THSD4: variants seen among roughly 807,000 people sequenced by gnomAD.
THSD4 encodes the protein thrombospondin type 1 domain containing 4.
THSD4 carries 69 observed loss-of-function variants against 119.0 expected under a neutral mutation model. The ratio of observed to expected loss-of-function variants is 0.58; its 90% CI spans 0.48 to 0.71. The LOEUF is 0.71. Among genes scored for constraint, THSD4 ranks in the 30% least tolerant of loss-of-function variants. The pLI is 0.00. For missense variants in THSD4, 1,393 were observed against 1,391.1 expected, an observed-to-expected ratio of 1.00 and a Z score of -0.02; for synonymous variants, 524 against 540.4, an observed-to-expected ratio of 0.97 and a Z score of 0.42.
At chr15:71,120,584 C>T (rs1332803147) in intron 1 of THSD4, among the ~76,000 whole-genome samples, 3 of 152,242 alleles carry the variant, frequency 2.0e-5, no homozygotes, top group Non-Finnish European at 4.4e-5. Flanking sequence ...GCTCCACCCT[C>T]CTGGCCCTTG....
Position 71,652,143 on chromosome 15 carries a change from C to T in THSD4, c.1153-8387C>T, listed in dbSNP as rs374963018. The stretch of plus-strand genomic sequence containing the variant: ...TGCTGATAATCTAGCCTCCAGAACT[C>T]TGCCTTATAGGGTGTAGGCAGTGTC... On this transcript the variant is annotated intron_variant, in intron 7 of 17. Coordinates refer to ENST00000261862, the MANE Select transcript of THSD4 (RefSeq NM_024817.3). Among the ~76,000 whole-genome samples the T allele has an allele frequency of 1.2e-4, 18 of 152,310 alleles. No individual in the cohort carries two copies. The East Asian group carries it at 3.3e-3, about 28-fold the overall frequency.
At chr15:71,629,924 G>A (rs556171183) in intron 7 of THSD4, among the ~76,000 whole-genome samples, 20 of 152,284 alleles carry the variant, frequency 1.3e-4, no homozygotes, top group Middle Eastern at 3.4e-3. Context: ...CCTTGGAGGC[G>A]CCTTTGTACC....
intron 5 of THSD4, among the ~76,000 whole-genome samples, chr15:71,251,705 A>G (rs960918896): frequency 6.6e-6 from 1 of 152,138 alleles, no homozygotes; most frequent in African/African-American, 2.4e-5. Flanking sequence ...GCACCGCTAC[A>G]TTGGAGATGA....
intron 13 of THSD4, among the ~76,000 whole-genome samples, chr15:71,747,604 A>G (rs1345165869): frequency 6.6e-6 from 1 of 152,216 alleles, no homozygotes; most frequent in Non-Finnish European, 1.5e-5. Flanking sequence ...TGTCTTTTTC[A>G]TTGGAGGGTA....
intron 6 of THSD4, among the ~76,000 whole-genome samples, chr15:71,370,649 G>A (rs2046031622): frequency 6.6e-6 from 1 of 152,192 alleles, no homozygotes; most frequent in Non-Finnish European, 1.5e-5. Context: ...CTGACAGACA[G>A]TTTGTTATAA....
intron 1 of THSD4, among the ~76,000 whole-genome samples, chr15:71,134,750 G>A (rs1017425181): frequency 2.6e-5 from 4 of 152,196 alleles, no homozygotes; most frequent in African/African-American, 9.7e-5. Context: ...CAGTGTAAAA[G>A]TGTTCCTATT....
At chr15:71,141,209 G>T (rs112419795) in intron 1 of THSD4, among the ~76,000 whole-genome samples, 1,922 of 152,312 alleles carry the variant, frequency 0.013, 49 homozygotes, top group African/African-American at 0.044. Context: ...TGAGGTGATC[G>T]TTCTGATAGT....
chr15:71,109,879 G>A (rs2040291189), intron 1 of THSD4, among the ~76,000 whole-genome samples: 1 of 152,220 alleles, frequency 6.6e-6, no homozygotes, highest in Non-Finnish European at 1.5e-5. Context: ...TGAACTTGGA[G>A]ACCGTGTGAC....
rs902987570 is a variant in THSD4, at chr15:71,728,716, G to C, written c.1525G>C (p.Asp509His). 3 of 1,614,084 alleles carry C rather than the reference G, an allele frequency of 1.9e-6. No homozygotes were observed. In the South Asian group the frequency reaches 3.3e-5, roughly 18 times the overall value. ...GGAAGGTCCCACCAACGAGATCTTG[G>C]ATGTCTACGTGAGTTTGGATGTTTC... ...LAEGPTNEIL[D>H]VYMIHQQPNP... Residue 509 changes from aspartate to histidine, a missense_variant, in exon 9 of 18, where the codon GAT becomes CAT. Physicochemically the swap from Asp to His is moderately conservative, Grantham distance 81. Transcript: ENST00000261862.
At chr15:71,440,667 G>A (rs1036547678) in intron 7 of THSD4, among the ~76,000 whole-genome samples, 3 of 152,112 alleles carry the variant, frequency 2.0e-5, no homozygotes, top group Admixed American at 1.3e-4. Context: ...CTGGTTGATC[G>A]TGACATCTAG....
Position 71,405,971 on chromosome 15 carries a change from G to T in THSD4, c.1016-5716G>T, listed in dbSNP as rs111488369. 3.7e-3 allele frequency among the ~76,000 whole-genome samples: 564 copies of T among 152,182 alleles called. 4 individuals are homozygous for T. The highest frequency in any genetic ancestry group is 5.7e-3 in the Non-Finnish European group (388 of 68,014). On this transcript the variant is annotated intron_variant, in intron 6 of 17. Coordinates refer to ENST00000261862, the MANE Select transcript of THSD4 (RefSeq NM_024817.3). ...TGATAGTAAATAGAAATACAATTAA[G>T]AGGTAGGGTCTCACTATGTTGCCCA...
intron 6 of THSD4, among the ~76,000 whole-genome samples, chr15:71,391,619 G>A (rs1032841384): frequency 7.9e-5 from 12 of 152,290 alleles, no homozygotes; most frequent in African/African-American, 2.9e-4. Context: ...GAGGAAGGGC[G>A]GGCGACCAGG....
chr15:71,545,640 C>T (rs1042850266), intron 7 of THSD4, among the ~76,000 whole-genome samples: 2 of 152,204 alleles, frequency 1.3e-5, no homozygotes, highest in African/African-American at 4.8e-5. Flanking sequence ...TGAGGTTACT[C>T]GGTAGATAAC....
chr15:71,338,725 T>C (rs1313157816), intron 6 of THSD4, among the ~76,000 whole-genome samples: 1 of 152,090 alleles, frequency 6.6e-6, no homozygotes, highest in Non-Finnish European at 1.5e-5. Context: ...CACCCTTAAC[T>C]GGCCTCTTGC....
At chr15:71,657,866 G>A (rs1192582203) in intron 7 of THSD4, among the ~76,000 whole-genome samples, 1 of 152,212 alleles carries the variant, frequency 6.6e-6, no homozygotes, top group Non-Finnish European at 1.5e-5. Context: ...TTCATATAAT[G>A]TCTGATTCAC....
chr15:71,544,908 G>C (rs541827142), intron 7 of THSD4, among the ~76,000 whole-genome samples: 8 of 152,308 alleles, frequency 5.3e-5, no homozygotes, highest in Non-Finnish European at 8.8e-5. Context: ...GACACAAAAG[G>C]ACAAATACTG....
At chr15:71,343,701 AATCTC>A (rs1193869949) in intron 6 of THSD4, among the ~76,000 whole-genome samples, 1 of 148,358 alleles carries the variant, frequency 6.7e-6, no homozygotes, top group Non-Finnish European at 1.5e-5. Context: ...AATCTAGGAT[AATCTC>A]ATCTCAGGAT....
intron 7 of THSD4, among the ~76,000 whole-genome samples, chr15:71,635,277 A>G (rs1567074269): frequency 6.6e-6 from 1 of 152,174 alleles, no homozygotes; most frequent in Non-Finnish European, 1.5e-5. Context: ...CTTGTAATGA[A>G]AAAGCTTCTT....
At chr15:71,154,666 A>G (rs1003320028) in intron 2 of THSD4, among the ~76,000 whole-genome samples, 197 bp from the exon 3 acceptor site, 1 of 152,170 alleles carries the variant, frequency 6.6e-6, no homozygotes, top group Non-Finnish European at 1.5e-5. Context: ...CATCTGCCCC[A>G]TGCCATGCCT....
Sources: gnomAD v4.1 joint callset for allele counts (sites outside exome capture counted in the v4.1 genomes callset) on GRCh38, gnomAD v4.1.1 for gene constraint, MANE v1.5 for transcripts, NCBI Gene and HGNC (gene_info 2026-07-23, HGNC 2026-07-21) for gene names.